GDPD4: variants seen among roughly 807,000 people sequenced by gnomAD.
The protein encoded by GDPD4 is glycerophosphodiester phosphodiesterase 6.
In GDPD4, 60 loss-of-function variants were observed where a neutral mutation model predicts 67.8. That is an observed-to-expected ratio of 0.88 (90% CI 0.72 to 1.10). GDPD4 has a LOEUF of 1.10. Among genes scored for constraint, GDPD4 ranks in the 50% least tolerant of loss-of-function variants. The pLI, the probability that GDPD4 is intolerant of heterozygous loss-of-function variation, is 0.00. For synonymous variants in GDPD4, 212 were observed against 210.9 expected, an observed-to-expected ratio of 1.00 and a Z score of -0.04; for missense variants, 623 against 613.9, an observed-to-expected ratio of 1.01 and a Z score of -0.16.
At chr11:77,289,271 G>C (rs113709786) in intron 1 of GDPD4, among the ~76,000 whole-genome samples, 21 of 150,900 alleles carry the variant, frequency 1.4e-4, no homozygotes, top group African/African-American at 4.9e-4. Flanking sequence ...GCTGAGGCAG[G>C]AGAATCACTT....
Position 77,217,196 on chromosome 11 carries a change from G to C in GDPD4, c.*81C>G, listed in dbSNP as rs770378196. 9.5e-6 allele frequency: 10 copies of C among 1,047,144 alleles called. No individual in the cohort carries two copies. Among genetic ancestry groups the C allele is most frequent in the African/African-American group, 1.6e-5 (1 of 64,000 alleles). The allele number at this position is 1,047,144 out of a possible 1,614,324, so 64.9% of individuals were successfully genotyped here. ...GTGTTCCTTTCCACTCTTGGGTAGA[G>C]CCGGGTAGAGGGCTGCTAGAGTCCA... On this transcript the variant is annotated 3_prime_UTR_variant, in exon 17 of 17. Transcript: ENST00000315938.
intron 1 of GDPD4, among the ~76,000 whole-genome samples, chr11:77,291,051 A>T (rs1937755314): frequency 6.6e-6 from 1 of 152,242 alleles, no homozygotes; most frequent in African/African-American, 2.4e-5. Context: ...TCAGTATATC[A>T]AAAGGATACC....
At chr11:77,234,071 A>G (rs1310995969) in intron 13 of GDPD4, among the ~76,000 whole-genome samples, 2 of 152,152 alleles carry the variant, frequency 1.3e-5, no homozygotes, top group South Asian at 2.1e-4. Flanking sequence ...TTCAACTCTC[A>G]AATGGTATGG....
chr11:77,229,022 G>T, intron 15 of GDPD4, 128 bp downstream of exon 15: 1 of 561,822 alleles, frequency 1.8e-6, no homozygotes, highest in Non-Finnish European at 3.2e-6. Flanking sequence ...TGAGAAGAGA[G>T]ATTCAGATTA....
At chr11:77,244,538 T>C (rs1485655202) in intron 12 of GDPD4, among the ~76,000 whole-genome samples, 1 of 152,150 alleles carries the variant, frequency 6.6e-6, no homozygotes, top group Non-Finnish European at 1.5e-5. Context: ...TGGTTAATGA[T>C]GTTAAAAATC....
chr11:77,261,545 A>C (rs1051037128), intron 10 of GDPD4, among the ~76,000 whole-genome samples: 9 of 152,142 alleles, frequency 5.9e-5, no homozygotes, highest in Non-Finnish European at 1.5e-5. Flanking sequence ...GCCAAATCTA[A>C]CATCTAGACA....
chr11:77,261,961 A>T (rs980142003), intron 10 of GDPD4, among the ~76,000 whole-genome samples: 1 of 152,250 alleles, frequency 6.6e-6, no homozygotes, highest in African/African-American at 2.4e-5. Flanking sequence ...AACAAGTGGT[A>T]TCTGCGCAAT....
chr11:77,242,788 T>C (rs976503918), intron 13 of GDPD4, among the ~76,000 whole-genome samples: 3 of 151,928 alleles, frequency 2.0e-5, no homozygotes, highest in Non-Finnish European at 4.4e-5. Context: ...AAAACATATA[T>C]AATTTTCCAA....
At chr11:77,289,474 C>A (rs887123640) in intron 1 of GDPD4, among the ~76,000 whole-genome samples, 9 of 148,372 alleles carry the variant, frequency 6.1e-5, no homozygotes, top group African/African-American at 2.0e-4. Context: ...GTAATCCCAG[C>A]ACTCTGGGAG....
chr11:77,238,018 T>C (rs1455914616), intron 13 of GDPD4, among the ~76,000 whole-genome samples: 1 of 152,210 alleles, frequency 6.6e-6, no homozygotes, highest in Admixed American at 6.5e-5. Context: ...AAAAGCCATC[T>C]ATTAGCAAGA....
intron 16 of GDPD4, among the ~76,000 whole-genome samples, chr11:77,221,293 T>C (rs1958219600): frequency 6.6e-6 from 1 of 152,256 alleles, no homozygotes; most frequent in South Asian, 2.1e-4. Context: ...TTGTTTGCTC[T>C]TGCTTCTCTA....
At chr11:77,252,447 T>C (rs1276518375) in intron 11 of GDPD4, among the ~76,000 whole-genome samples, 1 of 152,190 alleles carries the variant, frequency 6.6e-6, no homozygotes, top group Non-Finnish European at 1.5e-5. Context: ...GAATTGTCTA[T>C]TTTTTTGTAT....
intron 5 of GDPD4, among the ~76,000 whole-genome samples, chr11:77,274,408 G>T (rs760169584): frequency 1.3e-5 from 2 of 152,192 alleles, no homozygotes; most frequent in Non-Finnish European, 2.9e-5. Context: ...GCTCCCTCAT[G>T]AATGGCTTAG....
At chr11:77,270,039 T>A (rs1415137739) in intron 7 of GDPD4, 79 bp from the exon 8 acceptor site, 2 of 690,684 alleles carry the variant, frequency 2.9e-6, no homozygotes, top group East Asian at 2.7e-5. Context: ...CTTTCTAAAA[T>A]TTACCCTCCA....
At chr11:77,297,525 G>T (rs944844237) in intron 1 of GDPD4, among the ~76,000 whole-genome samples, 5 of 145,862 alleles carry the variant, frequency 3.4e-5, no homozygotes, top group Non-Finnish European at 6.0e-5. Flanking sequence ...GACAGAGCGA[G>T]ACTCCGTCTC....
intron 11 of GDPD4, among the ~76,000 whole-genome samples, chr11:77,254,988 A>AC (rs1958977596): frequency 6.6e-6 from 1 of 152,146 alleles, no homozygotes; most frequent in Admixed American, 6.5e-5. Flanking sequence ...CTACCTTCTA[A>AC]CCATACAGCA....
chr11:77,228,289 G>A (rs959598977), intron 15 of GDPD4, among the ~76,000 whole-genome samples: 3 of 151,842 alleles, frequency 2.0e-5, no homozygotes, highest in African/African-American at 7.3e-5. Context: ...ACAAGGTCAG[G>A]AGTTCAAGAC....
At chr11:77,289,804 G>A (rs974397496) in intron 1 of GDPD4, among the ~76,000 whole-genome samples, 1 of 125,572 alleles carries the variant, frequency 8.0e-6, no homozygotes, top group African/African-American at 2.9e-5. Context: ...AGAGAGAGAA[G>A]GAGGGAGGGA....
chr11:77,261,142 G>A (rs1959107859), intron 10 of GDPD4, among the ~76,000 whole-genome samples: 1 of 151,958 alleles, frequency 6.6e-6, no homozygotes, highest in Admixed American at 6.6e-5. Flanking sequence ...TATTTTTCCT[G>A]CAGGCATATC....
Sources: gnomAD v4.1 joint callset for allele counts (sites outside exome capture counted in the v4.1 genomes callset) on GRCh38, gnomAD v4.1.1 for gene constraint, MANE v1.5 for transcripts, NCBI Gene and HGNC (gene_info 2026-07-23, HGNC 2026-07-21) for gene names.